POU6F2: variants seen among roughly 807,000 people sequenced by gnomAD.
POU6F2 encodes the protein POU domain, class 6, transcription factor 2.
In POU6F2, 31 loss-of-function variants were observed where a neutral mutation model predicts 71.3. That is an observed-to-expected ratio of 0.43 (90% CI 0.33 to 0.59). The LOEUF (loss-of-function observed/expected upper bound fraction) is 0.59, where lower values mean the gene tolerates loss of function less well. Ranked by LOEUF, POU6F2 falls within the 20% of genes least tolerant of loss-of-function variation. The pLI is 0.04. For synonymous variants in POU6F2, 347 were observed against 355.7 expected (o/e 0.98, Z 0.27); for missense variants, 783 against 856.8 (o/e 0.91, Z 1.07).
intron 2 of POU6F2, among the ~76,000 whole-genome samples, chr7:39,179,029 T>C (rs1793382825): frequency 6.6e-6 from 1 of 152,214 alleles, no homozygotes; most frequent in Non-Finnish European, 1.5e-5. Flanking sequence ...GGAGCTCTTC[T>C]GGAAGCCTGT....
chr7:39,283,114 T>A (rs1784588859), intron 4 of POU6F2, among the ~76,000 whole-genome samples: 1 of 152,176 alleles, frequency 6.6e-6, no homozygotes, highest in African/African-American at 2.4e-5. Flanking sequence ...TGCTATGATT[T>A]TTGAATGTTG....
At chr7:39,459,952 G>A (rs928815519) in intron 8 of POU6F2, among the ~76,000 whole-genome samples, 10 of 152,046 alleles carry the variant, frequency 6.6e-5, no homozygotes, top group Non-Finnish European at 1.2e-4. Flanking sequence ...TGCTATGGGG[G>A]GAAAAAGACA....
chr7:39,339,597 CTT>C (rs1393581775), intron 4 of POU6F2, 43 bp from the exon 5 acceptor site: 16 of 1,540,512 alleles, frequency 1.0e-5, no homozygotes, highest in Non-Finnish European at 1.1e-5. Flanking sequence ...CAGCAAGACA[CTT>C]TGTCATGTTA....
intron 7 of POU6F2, among the ~76,000 whole-genome samples, chr7:39,440,537 G>GGAACT (rs1788375615): frequency 6.6e-6 from 1 of 152,130 alleles, no homozygotes; most frequent in Non-Finnish European, 1.5e-5. Flanking sequence ...GTTCCATCTG[G>GGAACT]TCATTTATGT....
At chr7:39,418,149 C>G (rs1209597481) in intron 6 of POU6F2, among the ~76,000 whole-genome samples, 1 of 152,114 alleles carries the variant, frequency 6.6e-6, no homozygotes, top group Non-Finnish European at 1.5e-5. Context: ...TTTTTAATCA[C>G]TGTACTGTAA....
chr7:39,234,311 G>T (rs1238108025), intron 4 of POU6F2, among the ~76,000 whole-genome samples: 1 of 152,092 alleles, frequency 6.6e-6, no homozygotes, highest in Admixed American at 6.5e-5. Context: ...TTGAGCAGCT[G>T]TCACTGTATT....
intron 2 of POU6F2, among the ~76,000 whole-genome samples, chr7:39,122,791 T>A (rs1483332617): frequency 6.7e-6 from 1 of 148,300 alleles, no homozygotes; most frequent in Non-Finnish European, 1.5e-5. Context: ...CTCTGCAACC[T>A]CTGCCTCCCA....
chr7:39,210,172 A>G (rs1027514930), intron 4 of POU6F2, among the ~76,000 whole-genome samples: 1 of 152,116 alleles, frequency 6.6e-6, no homozygotes, highest in African/African-American at 2.4e-5. Flanking sequence ...TATAAAACAT[A>G]TTTGGTGGGT....
At chr7:39,279,367 C>T (rs1035878162) in intron 4 of POU6F2, among the ~76,000 whole-genome samples, 2 of 152,216 alleles carry the variant, frequency 1.3e-5, no homozygotes, top group Admixed American at 6.6e-5. Flanking sequence ...TCAGTCCTTA[C>T]CTTTCTGAGC....
intron 2 of POU6F2, among the ~76,000 whole-genome samples, chr7:39,164,408 G>T: frequency 8.4e-6 from 1 of 118,566 alleles, no homozygotes; most frequent in East Asian, 3.2e-4. Context: ...GTGGAACTCT[G>T]AGCCCACTTC....
At chr7:39,185,839 GTATA>G (rs1307335726) in intron 2 of POU6F2, among the ~76,000 whole-genome samples, 4 of 109,680 alleles carry the variant, frequency 3.6e-5, no homozygotes, top group African/African-American at 1.6e-4. Context: ...ATATGTATAT[GTATA>G]TGTATATGTA....
Position 39,465,725 on chromosome 7 carries a change from T to C in POU6F2, c.*1039T>C, listed in dbSNP as rs6960142. On this transcript the variant is annotated 3_prime_UTR_variant, in exon 10 of 10. Coordinates refer to ENST00000518318, the MANE Select transcript of POU6F2 (RefSeq NM_001370959.1). Reference sequence around the variant, plus strand: ...ATGAACTGTCAACACTGGCATAAGCTGTAATTGTGCTCACTGTCCACACCA... The same window carrying C: ...ATGAACTGTCAACACTGGCATAAGCCGTAATTGTGCTCACTGTCCACACCA... 142,848 of 152,302 alleles carry C rather than the reference T, an allele frequency of 0.94. 67,114 individuals carry two copies. The highest frequency in any genetic ancestry group is 1 in the East Asian group (5,163 of 5,168). The allele number at this position is 152,302 out of a possible 1,614,324, so 9.4% of individuals were successfully genotyped here. A position where few individuals can be genotyped will look rare whatever the true frequency, so the allele number is the denominator to read the frequency against.
intron 6 of POU6F2, among the ~76,000 whole-genome samples, chr7:39,420,498 G>T (rs1162726119): frequency 6.6e-6 from 1 of 152,172 alleles, no homozygotes; most frequent in Non-Finnish European, 1.5e-5. Context: ...TAGTATCTAT[G>T]GTTTTGCACA....
chr7:39,259,898 G>A (rs912779639), intron 4 of POU6F2, among the ~76,000 whole-genome samples: 2 of 151,730 alleles, frequency 1.3e-5, no homozygotes, highest in African/African-American at 2.4e-5. Flanking sequence ...TGCAGCCTCC[G>A]GCCTGTGGGA....
chr7:39,362,272 C>T (rs1270305112), intron 5 of POU6F2, among the ~76,000 whole-genome samples: 1 of 140,188 alleles, frequency 7.1e-6, no homozygotes, highest in Non-Finnish European at 1.6e-5. Flanking sequence ...TGAAAGCTAT[C>T]AATGGCCAGA....
intron 1 of POU6F2, among the ~76,000 whole-genome samples, chr7:38,998,427 A>G (rs4336513): frequency 2.0e-5 from 3 of 152,090 alleles, no homozygotes; most frequent in Non-Finnish European, 4.4e-5. Context: ...GAGTTTCCCA[A>G]TGAGAGAAGT....
At chr7:39,407,431 T>C (rs1787458348) in intron 6 of POU6F2, among the ~76,000 whole-genome samples, 2 of 148,902 alleles carry the variant, frequency 1.3e-5, no homozygotes, top group African/African-American at 5.0e-5. Context: ...CCACATAATG[T>C]TCATACTAGA....
chr7:39,072,655 T>C (rs1462407989), intron 1 of POU6F2, among the ~76,000 whole-genome samples: 8 of 152,250 alleles, frequency 5.3e-5, no homozygotes, highest in Admixed American at 5.2e-4. Context: ...ATGCTTCATC[T>C]GTTCCATCCA....
At chr7:39,046,811 C>T (rs1219905133) in intron 1 of POU6F2, among the ~76,000 whole-genome samples, 1 of 151,878 alleles carries the variant, frequency 6.6e-6, no homozygotes, top group Admixed American at 6.6e-5. Flanking sequence ...ACCACTGTTC[C>T]AGAAGTTTTA....
Sources: gnomAD v4.1 joint callset for allele counts (sites outside exome capture counted in the v4.1 genomes callset) on GRCh38, gnomAD v4.1.1 for gene constraint, MANE v1.5 for transcripts, NCBI Gene and HGNC (gene_info 2026-07-23, HGNC 2026-07-21) for gene names.